The following CDK11A variants were observed in gnomAD, a reference collection of about 807,000 sequenced individuals.
The protein encoded by CDK11A is cyclin dependent kinase 11A.
In CDK11A, 55 loss-of-function variants were observed where a neutral mutation model predicts 83.6. The observed-to-expected ratio is 0.66, with a 90% CI of 0.53 to 0.82. The LOEUF is 0.82. Ranked by LOEUF, CDK11A falls within the 40% of genes least tolerant of loss-of-function variation. The pLI, the probability that CDK11A is intolerant of heterozygous loss-of-function variation, is 0.00. For missense variants in CDK11A, 564 were observed against 810.1 expected, an observed-to-expected ratio of 0.70 and a Z score of 3.69; for synonymous variants, 247 against 302.7, an observed-to-expected ratio of 0.82 and a Z score of 1.91.
chr1:1,721,197 C>CA lies in CDK11A; in HGVS notation c.227+398dup, dbSNP rs34963676. Among the ~76,000 whole-genome samples, 240 of 145,836 alleles carry CA rather than the reference C, an allele frequency of 1.6e-3. 6 individuals carry two copies. The highest frequency in any genetic ancestry group is 5.9e-3 in the African/African-American group (232 of 39,282). ...GAGCAAGACTCTTGAGACACCGTCT[C>CA]AAAAAAAAAAAGAGTACACTTCAGT... On this transcript the variant is annotated intron_variant, in intron 3 of 19. Transcript: ENST00000404249.
chr1:1,714,857 C>T (rs1428839467), intron 5 of CDK11A, among the ~76,000 whole-genome samples: 3 of 147,158 alleles, frequency 2.0e-5, no homozygotes, highest in African/African-American at 7.4e-5. Context: ...GAGCTCTCTC[C>T]AGTCTCTGCT....
intron 6 of CDK11A, 117 bp downstream of exon 6, chr1:1,712,147 G>C: frequency 1.8e-6 from 1 of 560,982 alleles, no homozygotes; most frequent in East Asian, 3.4e-5. Flanking sequence ...AAAAAAAAAA[G>C]GCAGGGGCGA....
chr1:1,704,849 G>A lies in CDK11A; in HGVS notation c.1458+55C>T, dbSNP rs779038551. 21 of 1,607,614 alleles carry A rather than the reference G, an allele frequency of 1.3e-5. No homozygotes were observed. In the East Asian group the frequency reaches 4.2e-4, roughly 33 times the overall value. ...AGCACCCGGCCCCAGGACAGCACGG[G>A]GCCCTGTCGGAAAAGCCTTCCACCC... On this transcript the variant is annotated intron_variant, in intron 13 of 19. Transcript: ENST00000404249.
At position 1,702,936 on chromosome 1, in the gene CDK11A, C is replaced by A; in HGVS notation, c.2314G>T (p.Ala772Ser). 1 of 483,084 alleles carries A rather than the reference C, an allele frequency of 2.1e-6. No homozygotes were observed. Among genetic ancestry groups the A allele is most frequent in the Non-Finnish European group, 3.6e-6 (1 of 274,372 alleles). The allele number at this position is 483,084 out of a possible 1,614,324, so 29.9% of individuals were successfully genotyped here. A position where few individuals can be genotyped will look rare whatever the true frequency, so the allele number is the denominator to read the frequency against. The change falls in exon 20 of 20, where the codon GCG becomes TCG. Residue 772 changes from alanine (A) to serine (S), a missense_variant. This residue lies in a region of CDK11A where 361 missense variants were observed against 402.7 expected (regional missense o/e 0.90). Coordinates refer to ENST00000404249, the MANE Select transcript of CDK11A (RefSeq NM_024011.4). ...LTTTNQGASA[A>S]GPGFSLKF ...AACTTGAGGCTGAAGCCGGGGCCCG[C>A]GGCAGAGGCCCCCTGGTTCGTGGTG...
At position 1,704,988 on chromosome 1, in the gene CDK11A, C is replaced by A; in HGVS notation, c.1374G>T (p.Lys458Asn). 6.3e-7 allele frequency: 1 copy of A among 1,598,798 alleles called. No individual in the cohort carries two copies. Among genetic ancestry groups the A allele is most frequent in the Non-Finnish European group, 8.5e-7 (1 of 1,173,974 alleles). The stretch of plus-strand genomic sequence containing the variant: ...ACGTGATCGGGAAGCCCTCCTTCTC[C>A]TTCTCCATCTTCAGCCGCTTTAGAG... ...IVALKRLKME[K>N]EKEGFPITSL... is the part of the protein sequence containing the mutation. The change falls in exon 13 of 20, where the codon AAG (lysine) becomes AAT (asparagine). Residue 458 changes from lysine (K) to asparagine (N), a missense_variant. Physicochemically the swap from Lys to Asn is moderately conservative, Grantham distance 94. Coordinates refer to ENST00000404249, the MANE Select transcript of CDK11A (RefSeq NM_024011.4).
rs187822067 is a variant in CDK11A, at chr1:1,713,154, T to C, written c.489-754A>G. 6.8e-3 allele frequency among the ~76,000 whole-genome samples: 302 copies of C among 44,238 alleles called. 48 individuals carry two copies. Among genetic ancestry groups the C allele is most frequent in the African/African-American group, 0.011 (275 of 25,888 alleles). 29.0% of individuals were successfully genotyped at this position (44,238 alleles called of 152,430 possible). On this transcript the variant is annotated intron_variant, in intron 5 of 19. Transcript: ENST00000404249. ...GTGCACCACCACACCCAGGTGATTT[T>C]TGTATTTTTACTAGAGACAGGGTTT...
At chr1:1,722,647 T>C (rs1644952021) in intron 2 of CDK11A, 61 bp downstream of exon 2, 3 of 1,333,096 alleles carry the variant, frequency 2.3e-6, no homozygotes, top group Admixed American at 2.3e-5. Context: ...AATGGAAAAA[T>C]GAGGGCAAAG....
At position 1,704,132 on chromosome 1, in the gene CDK11A, C is replaced by G; in HGVS notation, c.1701G>C (p.Gly567=). 2 of 1,605,240 alleles carry G rather than the reference C, an allele frequency of 1.2e-6. No homozygotes were observed. The change falls in exon 16 of 20, where the codon GGG becomes GGC. Residue 567 remains glycine, a synonymous_variant. Transcript: ENST00000404249. ...HAGILKVGDF[G]LAREYGSPLK... is the part of the protein sequence containing the mutation. ...GAGGGGATCCGTACTCCCGCGCCAG[C>G]CCAAAATCACCCACCTGCAACGACA...
Position 1,704,357 on chromosome 1 carries a change from G to T in CDK11A, c.1565-13C>A, listed in dbSNP as rs773902953. The T allele has an allele frequency of 6.2e-7, 1 of 1,607,102 alleles. No individual in the cohort carries two copies. The highest frequency in any genetic ancestry group is 2.2e-5 in the East Asian group (1 of 44,748). On this transcript the variant is annotated splice_polypyrimidine_tract_variant and intron_variant, in intron 14 of 19. Coordinates refer to ENST00000404249, the MANE Select transcript of CDK11A (RefSeq NM_024011.4). ...GTCTTCACCTCCCCTGGGAGGGAGG[G>T]AGGCTCCCATGTGGACCCGGCCGCC...
chr1:1,723,257 T>C lies in CDK11A; in HGVS notation c.-13-426A>G, dbSNP rs906529347. Among the ~76,000 whole-genome samples, 2 of 66,050 alleles carry C rather than the reference T, an allele frequency of 3.0e-5. 1 individual carries two copies. The allele number at this position is 66,050 out of a possible 152,430, so 43.3% of individuals were successfully genotyped here. ...GGTTAAAAAAAAAAAAAAAAAAAGG[T>C]AAGCTCTAGGCTGAGGCGGGTGGAT... On this transcript the variant is annotated intron_variant, in intron 1 of 19. Transcript: ENST00000404249.
In CDK11A at chr1:1,702,424, C is replaced by T. The variant is rs1644122246; in HGVS notation, c.*483G>A. On this transcript the variant is annotated 3_prime_UTR_variant, in exon 20 of 20. Transcript: ENST00000404249. ...TTTAATACATTTTAAAACTCAACAA[C>T]CTTGTATAAAAACCTGTCGAGTCTG... Among the ~76,000 whole-genome samples, 1 of 106,572 alleles carries T rather than the reference C, an allele frequency of 9.4e-6. No individual in the cohort carries two copies. Among genetic ancestry groups the T allele is most frequent in the South Asian group, 3.6e-4 (1 of 2,760 alleles). 69.9% of individuals were successfully genotyped at this position (106,572 alleles called of 152,430 possible). A position where few individuals can be genotyped will look rare whatever the true frequency, so the allele number is the denominator to read the frequency against.
chr1:1,704,848 G>A, intron 13 of CDK11A, 56 bp downstream of exon 13: 1 of 1,607,612 alleles, frequency 6.2e-7, no homozygotes, highest in Non-Finnish European at 8.5e-7. Context: ...GGACAGCACG[G>A]GGCCCTGTCG....
Position 1,722,708 on chromosome 1 carries a change from A to C in CDK11A, c.111T>G (p.Asn37Lys). 1 of 1,555,302 alleles carries C rather than the reference A, an allele frequency of 6.4e-7. No homozygotes were observed. Among genetic ancestry groups the C allele is most frequent in the Non-Finnish European group, 8.7e-7 (1 of 1,149,866 alleles). Residue 37 changes from asparagine (N) to lysine (K), a missense_variant and splice_region_variant, in exon 2 of 20, where the codon AAT becomes AAG. Physicochemically the swap from Asn to Lys is moderately conservative, Grantham distance 94. Around this residue, in one of 5 missense-constraint regions of CDK11A, gnomAD observed 28 missense variants for 54.8 expected, o/e 0.51. Coordinates refer to ENST00000404249, the MANE Select transcript of CDK11A (RefSeq NM_024011.4). ...EEKAEIKRLKNSDDRDSKRDS... is the reference protein window; with the variant it reads ...EEKAEIKRLKKSDDRDSKRDS... The stretch of plus-strand genomic sequence containing the variant: ...ACTTACTTAAAAAAATATGGCTTAC[A>C]TTTTTTAAGCGTTTTATCTCTGCTT...
intron 3 of CDK11A, among the ~76,000 whole-genome samples, chr1:1,721,209 G>C (rs1286863147): frequency 1.4e-5 from 2 of 145,052 alleles, no homozygotes; most frequent in Non-Finnish European, 3.0e-5. Flanking sequence ...AAAAAAAAAA[G>C]AGTACACTTC....
rs368706077 is a variant in CDK11A at position 1,707,511 on chromosome 1, C to T, written c.1143G>A (p.Pro381=). 96 of 1,603,804 alleles carry T rather than the reference C, an allele frequency of 6.0e-5. 6 individuals carry two copies. Among genetic ancestry groups the T allele is most frequent in the East Asian group, 9.0e-5 (4 of 44,626 alleles). Residue 381 remains proline, a synonymous_variant, in exon 11 of 20, where the codon CCG becomes CCA. Transcript: ENST00000404249. ...CGCCCTCTGTCAGGGCGCTGCTCTGCGGCGTTCCCTCACCCACTTCTTCCT... is the reference window on the plus strand; with the variant it reads ...CGCCCTCTGTCAGGGCGCTGCTCTGTGGCGTTCCCTCACCCACTTCTTCCT... The part of the protein sequence containing the change: ...EAEEEVGEGT[P]QSSALTEGDY...
chr1:1,704,523 A>G lies in CDK11A; in HGVS notation c.1564+27T>C. 7 of 1,600,020 alleles carry G rather than the reference A, an allele frequency of 4.4e-6. 1 individual carries two copies. Among genetic ancestry groups the G allele is most frequent in the Non-Finnish European group, 6.0e-6 (7 of 1,172,630 alleles). ...CAGGACACTGCCCCCACTTGTACGC[A>G]GACAGGACCCCGGGGCGCGGCTGTA... is the stretch of plus-strand genomic sequence containing the variant. On this transcript the variant is annotated intron_variant, in intron 14 of 19. Coordinates refer to ENST00000404249, the MANE Select transcript of CDK11A (RefSeq NM_024011.4).
intron 4 of CDK11A, among the ~76,000 whole-genome samples, chr1:1,717,637 CGGTCTGTG>C (rs1644718978): frequency 7.6e-5 from 2 of 26,170 alleles, no homozygotes; most frequent in African/African-American, 1.3e-4. Flanking sequence ...CTCTGGTTTT[CGGTCTGTG>C]ACACACGCAT....
rs530728774 is a variant in CDK11A at position 1,718,797 on chromosome 1, C to T, written c.355+531G>A. On this transcript the variant is annotated intron_variant, in intron 4 of 19. Coordinates refer to ENST00000404249, the MANE Select transcript of CDK11A (RefSeq NM_024011.4). The stretch of plus-strand genomic sequence containing the variant: ...GACTACAGGTGCCCGCCACCACGCC[C>T]GGCTAATTTTTTGTATTTTTAGTAG... Among the ~76,000 whole-genome samples, 243 of 150,770 alleles carry T rather than the reference C, an allele frequency of 1.6e-3. 6 individuals carry two copies. The highest frequency in any genetic ancestry group is 5.6e-3 in the African/African-American group (231 of 41,102).
At chr1:1,705,998 T>C (rs1246488054) in intron 11 of CDK11A, among the ~76,000 whole-genome samples, 1 of 150,496 alleles carries the variant, frequency 6.6e-6, no homozygotes, top group Admixed American at 6.6e-5. Context: ...ATTCCAGCAC[T>C]TTGGGAGGGC....
Sources: allele counts gnomAD v4.1 joint callset (sites outside exome capture counted in the v4.1 genomes callset), GRCh38; gene constraint gnomAD v4.1.1; regional missense constraint gnomAD v4.1.1; transcripts MANE v1.5; gene names NCBI Gene and HGNC (gene_info 2026-07-23, HGNC 2026-07-21).